LIN7B: variants seen among roughly 807,000 people sequenced by gnomAD.
LIN7B encodes the protein protein lin-7 homolog B.
In LIN7B, 16 loss-of-function variants were observed where a neutral mutation model predicts 27.9. The observed-to-expected ratio is 0.57, with a 90% CI of 0.39 to 0.87. The LOEUF (loss-of-function observed/expected upper bound fraction) is 0.87, where lower values mean the gene tolerates loss of function less well. Among genes scored for constraint, LIN7B ranks in the 40% least tolerant of loss-of-function variants. The pLI is 0.00. For missense variants in LIN7B, 291 were observed against 288.5 expected (o/e 1.01, Z -0.06); for synonymous variants, 147 against 120.8 (o/e 1.22, Z -1.42).
intron 4 of LIN7B, 59 bp from the exon 5 acceptor site, chr19:49,117,796 G>T: frequency 6.6e-7 from 1 of 1,509,234 alleles, no homozygotes; most frequent in South Asian, 1.1e-5. Flanking sequence ...CCATCTCCCA[G>T]TGGGGGCTGG....
At position 49,115,126 on chromosome 19, in the gene LIN7B, A is replaced by T. The variant is rs1049218628; in HGVS notation, c.157-134A>T. The T allele has an allele frequency of 4.5e-5, 42 of 928,712 alleles. 1 individual carries two copies. The Admixed American group carries it at 9.0e-4, about 20-fold the overall frequency. 57.5% of individuals were successfully genotyped at this position (928,712 alleles called of 1,614,324 possible). A position where few individuals can be genotyped will look rare whatever the true frequency, so the allele number is the denominator to read the frequency against. On this transcript the variant is annotated intron_variant, in intron 2 of 5. Transcript: ENST00000221459. ...AGCTCAGGGGTTCTTCGGGAGTTGT[A>T]GTTTTCTCGGCCTTCTGTTGCGGGG...
Position 49,115,842 on chromosome 19 carries a change from AAAAG to A in LIN7B, c.229-413_229-410del, listed in dbSNP as rs767382271. The A allele has an allele frequency of 3.9e-4, 59 of 149,650 alleles. 1 individual carries two copies. The highest frequency in any genetic ancestry group is 1.7e-3 in the South Asian group (9 of 5,378). The allele number at this position is 149,650 out of a possible 1,614,324, so 9.3% of individuals were successfully genotyped here. On this transcript the variant is annotated intron_variant, in intron 3 of 5. Coordinates refer to ENST00000221459, the MANE Select transcript of LIN7B (RefSeq NM_022165.3). ...CTCCACAGAAATACAAAAAAAAAAA[AAAAG>A]AAAGAAAAAGCCGAGCGTGGTGGCG... is the stretch of plus-strand genomic sequence containing the variant.
intron 4 of LIN7B, 107 bp downstream of exon 4, chr19:49,116,579 A>G: frequency 9.5e-7 from 1 of 1,055,460 alleles, no homozygotes; most frequent in South Asian, 1.5e-5. Context: ...CTGTATGGCT[A>G]GCCCTGTGCT....
chr19:49,115,280 C>A lies in LIN7B; in HGVS notation c.177C>A (p.Asp59Glu). ...AIREVYEQLY[D>E]TLDITGSAEI... is the part of the protein sequence containing the mutation. ...CCCAGGTGTATGAGCAGCTTTATGACACGCTGGACATCACCGGCAGCGCCG... is the reference window on the plus strand; with the variant it reads ...CCCAGGTGTATGAGCAGCTTTATGAAACGCTGGACATCACCGGCAGCGCCG... Residue 59 changes from aspartate to glutamate, a missense_variant, in exon 3 of 6, where the codon GAC (aspartate) becomes GAA (glutamate). Physicochemically the swap from Asp to Glu is conservative, Grantham distance 45 (BLOSUM62 2). Coordinates refer to ENST00000221459, the MANE Select transcript of LIN7B (RefSeq NM_022165.3). 1.3e-6 allele frequency: 2 copies of A among 1,562,188 alleles called. No homozygotes were observed. Among genetic ancestry groups the A allele is most frequent in the Non-Finnish European group, 8.7e-7 (1 of 1,152,414 alleles).
In LIN7B at chr19:49,114,402, G is replaced by C; in HGVS notation, c.-3G>C. The C allele has an allele frequency of 3.3e-6, 4 of 1,200,992 alleles. No homozygotes were observed. The highest frequency in any genetic ancestry group is 4.1e-6 in the Non-Finnish European group (4 of 968,134). 74.4% of individuals were successfully genotyped at this position (1,200,992 alleles called of 1,614,324 possible). On this transcript the variant is annotated 5_prime_UTR_variant, in exon 1 of 6. Coordinates refer to ENST00000221459, the MANE Select transcript of LIN7B (RefSeq NM_022165.3). ...GCGGGCGGCTGGCAGCTGTGGCGCC[G>C]ACATGGCTGCGCTGGTGGAGCCGCT...
rs575444102 is a variant in LIN7B at position 49,115,944 on chromosome 19, A to G, written c.229-319A>G. Reference sequence around the variant, plus strand: ...AGAATCGCTTGAACCCAGGAGGCCGAGGTTGCAGTGAGCCGAGATCATGCC... The same window carrying G: ...AGAATCGCTTGAACCCAGGAGGCCGGGGTTGCAGTGAGCCGAGATCATGCC... On this transcript the variant is annotated intron_variant, in intron 3 of 5. Transcript: ENST00000221459. The G allele has an allele frequency of 6.5e-5, 14 of 215,436 alleles. No individual in the cohort carries two copies. In the South Asian group the frequency reaches 1.1e-3, roughly 17 times the overall value. 13.3% of individuals were successfully genotyped at this position (215,436 alleles called of 1,614,324 possible).
chr19:49,118,152 C>T (rs1193930145), intron 5 of LIN7B, 134 bp downstream of exon 5: 4 of 1,448,824 alleles, frequency 2.8e-6, no homozygotes, highest in South Asian at 1.3e-5. Flanking sequence ...TGACCCTTGG[C>T]CCAGGCTCTC....
rs746744258 is a variant in LIN7B, at chr19:49,116,451, A to G, written c.417A>G (p.Gln139=). 1.3e-5 allele frequency: 21 copies of G among 1,613,988 alleles called. No individual in the cohort carries two copies. The highest frequency in any genetic ancestry group is 5.0e-5 in the Admixed American group (3 of 59,994). The change falls in exon 4 of 6, where the codon CAA becomes CAG. Residue 139 remains glutamine (Q), a synonymous_variant. Transcript: ENST00000221459. ...ATGGAGGCCTCAAGCGTGGGGATCA[A>G]CTGTTGTCGGTGAACGGTGTGGTGA... ...DRHGGLKRGD[Q]LLSVNGVSVE...
At chr19:49,114,619 C>G (rs1211218712) in intron 1 of LIN7B, 178 bp downstream of exon 1, 5 of 504,794 alleles carry the variant, frequency 9.9e-6, no homozygotes, top group Non-Finnish European at 1.5e-5. Context: ...GGGCGCGGGC[C>G]GGGACGCTGG....
At position 49,114,850 on chromosome 19, in the gene LIN7B, C is replaced by A; in HGVS notation, c.39C>A (p.Asp13Glu). The change falls in exon 2 of 6, where the codon GAC becomes GAA. Residue 13 changes from aspartate to glutamate, a missense_variant and splice_region_variant. Physicochemically the swap from Asp to Glu is conservative, Grantham distance 45. Transcript: ENST00000221459. ...ALVEPLGLER[D>E]VSRAVELLER... Reference sequence around the variant, plus strand: ...CTGCGCCCCGCCCCCGCCCCGCAGACGTGTCCCGGGCGGTTGAGCTCCTCG... The same window carrying A: ...CTGCGCCCCGCCCCCGCCCCGCAGAAGTGTCCCGGGCGGTTGAGCTCCTCG... The A allele has an allele frequency of 6.9e-7, 1 of 1,447,672 alleles. No individual in the cohort carries two copies. 89.7% of individuals were successfully genotyped at this position (1,447,672 alleles called of 1,614,324 possible). A position where few individuals can be genotyped will look rare whatever the true frequency, so the allele number is the denominator to read the frequency against.
intron 4 of LIN7B, among the ~76,000 whole-genome samples, chr19:49,117,392 G>C (rs1473173337): frequency 6.6e-6 from 1 of 152,092 alleles, no homozygotes; most frequent in Non-Finnish European, 1.5e-5. Flanking sequence ...GCTATGGGAG[G>C]GGTGAGCCAG....
chr19:49,114,791 C>T (rs1056377013), intron 1 of LIN7B, 58 bp from the exon 2 acceptor site: 2 of 1,063,194 alleles, frequency 1.9e-6, no homozygotes, highest in Admixed American at 3.3e-5. Flanking sequence ...CTCCTTGCTT[C>T]TCTGCGTCTC....
rs778194720 is a variant in LIN7B, at chr19:49,114,930, G to A, written c.119G>A (p.Arg40Gln). The A allele has an allele frequency of 2.1e-6, 3 of 1,462,150 alleles. No homozygotes were observed. The highest frequency in any genetic ancestry group is 4.8e-5 in the Admixed American group (2 of 41,320). The allele number at this position is 1,462,150 out of a possible 1,614,324, so 90.6% of individuals were successfully genotyped here. A position where few individuals can be genotyped will look rare whatever the true frequency, so the allele number is the denominator to read the frequency against. Residue 40 changes from arginine to glutamine, a missense_variant, in exon 2 of 6, where the codon CGA (arginine) becomes CAA (glutamine). Transcript: ENST00000221459. ...CCGCAGAAGCTGCAGGCCCTCCAGC[G>A]AGTTCTGCAGAGCCGCTTCTGCTCC... ...LPPQKLQALQRVLQSRFCSAI... is the reference protein window; with the variant it reads ...LPPQKLQALQQVLQSRFCSAI...
rs550045919 is a variant in LIN7B, at chr19:49,115,443, A to G, written c.228+112A>G. On this transcript the variant is annotated intron_variant, in intron 3 of 5. Transcript: ENST00000221459. ...CTCCCTCATGATTTTTGCTAAATCT[A>G]TGTGCCACCTTACTATTAGTAAATA... 5.8e-4 allele frequency: 535 copies of G among 930,326 alleles called. 7 individuals are homozygous for G. The highest frequency in any genetic ancestry group is 5.2e-3 in the Middle Eastern group (24 of 4,614). The allele number at this position is 930,326 out of a possible 1,614,324, so 57.6% of individuals were successfully genotyped here.
chr19:49,115,150 G>C, intron 2 of LIN7B, 110 bp from the exon 3 acceptor site: 1 of 1,021,490 alleles, frequency 9.8e-7, no homozygotes, highest in Non-Finnish European at 1.4e-6. Context: ...TCTGTTGCGG[G>C]GGCGGGGCGG....
rs770550524 is a variant in LIN7B at position 49,118,001 on chromosome 19, A to G, written c.585A>G (p.Gln195=). 5.6e-6 allele frequency: 9 copies of G among 1,613,868 alleles called. No homozygotes were observed. The highest frequency in any genetic ancestry group is 1.6e-4 in the Middle Eastern group (1 of 6,084). ...AGATGCGCTCTGCCCGCCGGCGCCA[A>G]CAGCATCAGAGCTACTCGTGAGCCC... ...FEKMRSARRR[Q]QHQSYSSLES... Residue 195 remains glutamine (Q), a synonymous_variant, in exon 5 of 6, where the codon CAA becomes CAG. Transcript: ENST00000221459.
At chr19:49,115,523 G>A (rs980269525) in intron 3 of LIN7B, 192 bp downstream of exon 3, 6 of 587,096 alleles carry the variant, frequency 1.0e-5, no homozygotes, top group African/African-American at 9.4e-5. Flanking sequence ...AACTGCAAAT[G>A]GAAACAGTAT....
intron 4 of LIN7B, among the ~76,000 whole-genome samples, chr19:49,117,036 AG>A: frequency 6.6e-6 from 1 of 152,210 alleles, no homozygotes; most frequent in African/African-American, 2.4e-5. Flanking sequence ...ACTTGAGGTC[AG>A]GAGTTCAAGA....
At chr19:49,114,546 C>G (rs1011567309) in intron 1 of LIN7B, 105 bp downstream of exon 1, 1 of 920,478 alleles carries the variant, frequency 1.1e-6, no homozygotes, top group African/African-American at 1.7e-5. Flanking sequence ...GGCCAGCGGA[C>G]CCGGAGGGGG....
Sources: gnomAD v4.1 joint callset for allele counts (sites outside exome capture counted in the v4.1 genomes callset) on GRCh38, gnomAD v4.1.1 for gene constraint, MANE v1.5 for transcripts, NCBI Gene and HGNC (gene_info 2026-07-23, HGNC 2026-07-21) for gene names.